Variants in RAB11FIP4 observed in about 807,000 individuals in gnomAD.
RAB11FIP4 encodes RAB11 family interacting protein 4.
RAB11FIP4 carries 23 observed loss-of-function variants against 74.3 expected under a neutral mutation model. That is an observed-to-expected ratio of 0.31 (90% CI 0.22 to 0.44). RAB11FIP4 has a LOEUF of 0.44. RAB11FIP4 is among the 20% of genes least tolerant of loss of function. The pLI is 1.00. For missense variants in RAB11FIP4, 630 were observed against 863.9 expected, an observed-to-expected ratio of 0.73 and a Z score of 3.39; for synonymous variants, 360 against 359.9, an observed-to-expected ratio of 1.00 and a Z score of 0.00.
At chr17:31,401,505 A>G (rs747449142) in intron 1 of RAB11FIP4, among the ~76,000 whole-genome samples, 7 of 152,238 alleles carry the variant, frequency 4.6e-5, no homozygotes, top group Non-Finnish European at 8.8e-5. Flanking sequence ...AGCAGGCTCC[A>G]TACAGCTGTA....
intron 1 of RAB11FIP4, among the ~76,000 whole-genome samples, chr17:31,411,589 C>G (rs1361605852): frequency 6.6e-6 from 1 of 152,200 alleles, no homozygotes; most frequent in East Asian, 1.9e-4. Flanking sequence ...TACACTGGTC[C>G]TCCACCCCAG....
At position 31,457,681 on chromosome 17, in the gene RAB11FIP4, C is replaced by G. The variant is rs558262669; in HGVS notation, c.336+23559C>G. Among the ~76,000 whole-genome samples the G allele has an allele frequency of 2.6e-5, 4 of 152,032 alleles. No individual in the cohort carries two copies. The South Asian group carries it at 8.3e-4, about 32-fold the overall frequency. On this transcript the variant is annotated intron_variant, in intron 3 of 14. Coordinates refer to ENST00000621161, the MANE Select transcript of RAB11FIP4 (RefSeq NM_032932.6). The stretch of plus-strand genomic sequence containing the variant: ...AGCCTGGGGGTGGGAGCAGGCCTGA[C>G]CCCCACCACCCTCACCCCCAGCCCC...
At chr17:31,504,255 C>A (rs1361537691) in intron 3 of RAB11FIP4, among the ~76,000 whole-genome samples, 1 of 149,336 alleles carries the variant, frequency 6.7e-6, no homozygotes, top group Admixed American at 6.6e-5. Context: ...CACAGCCTCC[C>A]GAGTAGCTGG....
Position 31,474,884 on chromosome 17 carries a change from A to C in RAB11FIP4, c.336+40762A>C, listed in dbSNP as rs561017152. On this transcript the variant is annotated intron_variant, in intron 3 of 14. Transcript: ENST00000621161. ...ACAAAACAAAACAAAACAAAAAACA[A>C]AAAAAAAACAGAGATTCACCTCACC... Among the ~76,000 whole-genome samples, 345 of 151,242 alleles carry C rather than the reference A, an allele frequency of 2.3e-3. 2 individuals are homozygous for C. The highest frequency in any genetic ancestry group is 0.012 in the East Asian group (59 of 5,100).
chr17:31,497,641 C>T (rs1389042533), intron 3 of RAB11FIP4, among the ~76,000 whole-genome samples: 3 of 152,006 alleles, frequency 2.0e-5, no homozygotes, highest in African/African-American at 7.3e-5. Context: ...CAAGGCTGCA[C>T]AGGGTCTGGC....
chr17:31,434,762 C>A (rs2071342282), intron 3 of RAB11FIP4, among the ~76,000 whole-genome samples: 1 of 152,206 alleles, frequency 6.6e-6, no homozygotes, highest in South Asian at 2.1e-4. Context: ...CAGGATTAGC[C>A]ACACGGAAGA....
chr17:31,475,594 T>C lies in RAB11FIP4; in HGVS notation c.336+41472T>C, dbSNP rs115556677. Among the ~76,000 whole-genome samples, 194 of 152,312 alleles carry C rather than the reference T, an allele frequency of 1.3e-3. 2 individuals carry two copies. Among genetic ancestry groups the C allele is most frequent in the African/African-American group, 4.3e-3 (178 of 41,562 alleles). On this transcript the variant is annotated intron_variant, in intron 3 of 14. Transcript: ENST00000621161. The stretch of plus-strand genomic sequence containing the variant: ...ATTTGCCTGCTTGCTGAAATTCATT[T>C]GTAACACCAAAATCAATACTCGCAG...
chr17:31,531,452 G>A (rs1367330726), intron 14 of RAB11FIP4, among the ~76,000 whole-genome samples, 164 bp from the exon 15 acceptor site: 1 of 152,150 alleles, frequency 6.6e-6, no homozygotes, highest in Non-Finnish European at 1.5e-5. Flanking sequence ...TTCGACTCTG[G>A]TCCTGGCATC....
intron 1 of RAB11FIP4, among the ~76,000 whole-genome samples, chr17:31,396,008 C>G (rs758769949): frequency 1.3e-5 from 2 of 151,460 alleles, no homozygotes; most frequent in Non-Finnish European, 2.9e-5. Flanking sequence ...ATGGTGAGAC[C>G]CCCCATCTCT....
Position 31,505,604 on chromosome 17 carries a change from TAA to T in RAB11FIP4, c.337-12046_337-12045del, listed in dbSNP as rs1567681421. On this transcript the variant is annotated intron_variant, in intron 3 of 14. Coordinates refer to ENST00000621161, the MANE Select transcript of RAB11FIP4 (RefSeq NM_032932.6). ...ATAATAATAATTATATATTATATAA[TAA>T]TAATTATATATAATATATAATTATA... Among the ~76,000 whole-genome samples the T allele has an allele frequency of 9.6e-4, 51 of 53,348 alleles. 1 individual carries two copies. Among genetic ancestry groups the T allele is most frequent in the East Asian group, 5.5e-3 (7 of 1,266 alleles). The allele number at this position is 53,348 out of a possible 152,430, so 35.0% of individuals were successfully genotyped here. A position where few individuals can be genotyped will look rare whatever the true frequency, so the allele number is the denominator to read the frequency against.
chr17:31,416,622 C>A (rs2071150756), intron 1 of RAB11FIP4, among the ~76,000 whole-genome samples: 1 of 152,158 alleles, frequency 6.6e-6, no homozygotes, highest in Non-Finnish European at 1.5e-5. Flanking sequence ...TGAGGATAAA[C>A]AAGCAGCTGG....
At chr17:31,419,040 C>T (rs532544058) in intron 1 of RAB11FIP4, among the ~76,000 whole-genome samples, 1 of 152,280 alleles carries the variant, frequency 6.6e-6, no homozygotes, top group African/African-American at 2.4e-5. Context: ...CAGTTTGTAA[C>T]CTTTGGGAGT....
chr17:31,514,843 C>T (rs974542791), intron 3 of RAB11FIP4, among the ~76,000 whole-genome samples: 1 of 152,228 alleles, frequency 6.6e-6, no homozygotes, highest in African/African-American at 2.4e-5. Flanking sequence ...GAAGTTGCTG[C>T]GTTAGGCGGC....
intron 3 of RAB11FIP4, among the ~76,000 whole-genome samples, chr17:31,481,536 TG>T (rs1247325284): frequency 6.6e-6 from 1 of 152,076 alleles, no homozygotes; most frequent in African/African-American, 2.4e-5. Flanking sequence ...GTGAGGTGTT[TG>T]GGGAAAGGAG....
chr17:31,425,411 T>A (rs2071238503), intron 1 of RAB11FIP4, among the ~76,000 whole-genome samples: 2 of 152,150 alleles, frequency 1.3e-5, no homozygotes, highest in Non-Finnish European at 2.9e-5. Context: ...GAAAGGCAAA[T>A]GGCTTGCTTG....
chr17:31,451,611 C>G (rs527610703), intron 3 of RAB11FIP4, among the ~76,000 whole-genome samples: 1 of 152,126 alleles, frequency 6.6e-6, no homozygotes, highest in Non-Finnish European at 1.5e-5. Flanking sequence ...CCCAGATTCC[C>G]GGTGACTCTC....
intron 3 of RAB11FIP4, among the ~76,000 whole-genome samples, chr17:31,458,703 G>A (rs1190768724): frequency 1.3e-5 from 2 of 152,208 alleles, no homozygotes; most frequent in African/African-American, 2.4e-5. Context: ...GGTGGAGGCA[G>A]TTTGCCAATG....
Position 31,537,198 on chromosome 17 carries a change from C to T in RAB11FIP4, c.*5466C>T, listed in dbSNP as rs2072979626. ...ACATTGCCCACTGCCTCCTTTTCTACATCGTCTCATCTCCCTGGCCTTTCC... is the reference window on the plus strand; with the variant it reads ...ACATTGCCCACTGCCTCCTTTTCTATATCGTCTCATCTCCCTGGCCTTTCC... On this transcript the variant is annotated 3_prime_UTR_variant, in exon 15 of 15. Coordinates refer to ENST00000621161, the MANE Select transcript of RAB11FIP4 (RefSeq NM_032932.6). 1 of 399,498 alleles carries T rather than the reference C, an allele frequency of 2.5e-6. No homozygotes were observed. The highest frequency in any genetic ancestry group is 4.4e-6 in the Non-Finnish European group (1 of 226,230). 24.7% of individuals were successfully genotyped at this position (399,498 alleles called of 1,614,324 possible). A position where few individuals can be genotyped will look rare whatever the true frequency, so the allele number is the denominator to read the frequency against.
In RAB11FIP4 at chr17:31,391,961, C is replaced by A; in HGVS notation, c.109C>A (p.Arg37Ser). ...CGGCCGCGACCCCGACGGCTTCCTGCGCGTGGAGCGCGTCGCGGCGCTCGG... is the reference window on the plus strand; with the variant it reads ...CGGCCGCGACCCCGACGGCTTCCTGAGCGTGGAGCGCGTCGCGGCGCTCGG... Reference protein sequence around the residue: ...VCGRDPDGFLRVERVAALGLR... With the variant: ...VCGRDPDGFLSVERVAALGLR... The change falls in exon 1 of 15, where the codon CGC becomes AGC. Residue 37 changes from arginine (R) to serine (S), a missense_variant. Arg to Ser is a moderately radical substitution (Grantham distance 110, BLOSUM62 -1). Coordinates refer to ENST00000621161, the MANE Select transcript of RAB11FIP4 (RefSeq NM_032932.6). The A allele has an allele frequency of 7.3e-7, 1 of 1,374,654 alleles. No homozygotes were observed. The highest frequency in any genetic ancestry group is 9.4e-7 in the Non-Finnish European group (1 of 1,061,616). The allele number at this position is 1,374,654 out of a possible 1,614,324, so 85.2% of individuals were successfully genotyped here. A position where few individuals can be genotyped will look rare whatever the true frequency, so the allele number is the denominator to read the frequency against.
Sources: allele counts gnomAD v4.1 joint callset (sites outside exome capture counted in the v4.1 genomes callset), GRCh38; gene constraint gnomAD v4.1.1; transcripts MANE v1.5; gene names NCBI Gene and HGNC (gene_info 2026-07-23, HGNC 2026-07-21).